Variants in NFASC observed in about 807,000 individuals in gnomAD.
NFASC encodes the protein neurofascin, also known as neurofascin homolog.
Under a neutral mutation model 147.5 loss-of-function variants are expected in NFASC, and 43 were observed. The ratio of observed to expected loss-of-function variants is 0.29; its 90% confidence interval spans 0.23 to 0.38. The LOEUF is 0.38. Among genes scored for constraint, NFASC ranks in the 10% least tolerant of loss-of-function variants. The pLI is 1.00. For synonymous variants in NFASC, 622 were observed against 665.5 expected (o/e 0.93, Z 1.01); for missense variants, 1,320 against 1,689.0 (o/e 0.78, Z 3.83).
chr1:204,967,822 G>A (rs1473360253), intron 8 of NFASC: 1 of 169,732 alleles, frequency 5.9e-6, no homozygotes, highest in Non-Finnish European at 1.3e-5. Context: ...TGTGGACCCA[G>A]TACATGCCTT....
intron 24 of NFASC, among the ~76,000 whole-genome samples, chr1:204,995,890 G>A (rs2095837060): frequency 6.6e-6 from 1 of 152,100 alleles, no homozygotes; most frequent in African/African-American, 2.4e-5. Context: ...TTGAGGCTGG[G>A]TAGGATTCCT....
At position 205,021,654 on chromosome 1, in the gene NFASC, C is replaced by G. The variant is rs2096401389; in HGVS notation, c.*5115C>G. Reference sequence around the variant, plus strand: ...CCTTGTCCAGTCAGTGTTCTTTCATCTCACCACAGCTGCCTCCTTTGAAAC... The same window carrying G: ...CCTTGTCCAGTCAGTGTTCTTTCATGTCACCACAGCTGCCTCCTTTGAAAC... On this transcript the variant is annotated 3_prime_UTR_variant, in exon 30 of 30. Transcript: ENST00000339876. 6.5e-6 allele frequency: 1 copy of G among 153,528 alleles called. No homozygotes were observed. The highest frequency in any genetic ancestry group is 2.4e-5 in the African/African-American group (1 of 41,450). 9.5% of individuals were successfully genotyped at this position (153,528 alleles called of 1,614,324 possible). A position where few individuals can be genotyped will look rare whatever the true frequency, so the allele number is the denominator to read the frequency against.
rs2095099716 is a variant in NFASC at position 204,968,957 on chromosome 1, G to A, written c.978G>A (p.Arg326=). 1 of 1,613,868 alleles carries A rather than the reference G, an allele frequency of 6.2e-7. No individual in the cohort carries two copies. Among genetic ancestry groups the A allele is most frequent in the South Asian group, 1.1e-5 (1 of 91,052 alleles). Residue 326 remains arginine (R), a synonymous_variant, in exon 10 of 30, where the codon CGG becomes CGA. Coordinates refer to ENST00000339876, the MANE Select transcript of NFASC (RefSeq NM_001005388.3). This position sits in a 1 kb window ranked among gnomAD's most constrained non-coding sequence, Gnocchi z 5.4. ...CCTCCAACAAGATGGGCAGCATCCG[G>A]CACACGATCTCGGTGAGAGTAAAGG... ...CLASNKMGSI[R]HTISVRVKAA...
intron 1 of NFASC, among the ~76,000 whole-genome samples, chr1:204,867,254 T>C (rs916528092): frequency 6.6e-6 from 1 of 152,068 alleles, no homozygotes; most frequent in Non-Finnish European, 1.5e-5. Context: ...AGGGAGACCA[T>C]GGGACTGCTC....
At chr1:204,931,674 C>T (rs575005727) in intron 2 of NFASC, among the ~76,000 whole-genome samples, 4 of 152,154 alleles carry the variant, frequency 2.6e-5, no homozygotes, top group African/African-American at 9.7e-5. Context: ...TCATTCATGG[C>T]TCTTAGACAT....
At chr1:204,842,806 CGCA>C (rs1253469423) in intron 1 of NFASC, among the ~76,000 whole-genome samples, 9 of 152,222 alleles carry the variant, frequency 5.9e-5, no homozygotes, top group African/African-American at 2.2e-4. Flanking sequence ...CTGGTGGGCC[CGCA>C]GATTCCTGCC....
rs904871634 is a variant in NFASC at position 205,016,171 on chromosome 1, CA to C, written c.3492-136del. 1.0e-5 allele frequency: 7 copies of C among 690,274 alleles called. No homozygotes were observed. The African/African-American group carries it at 1.2e-4, about 12-fold the overall frequency. 42.8% of individuals were successfully genotyped at this position (690,274 alleles called of 1,614,324 possible). On this transcript the variant is annotated intron_variant, in intron 29 of 29. Transcript: ENST00000339876. This position sits in a 1 kb window ranked among gnomAD's most constrained non-coding sequence, Gnocchi z 5.1. ...TTTCCCTTCTGCAAAGCAGGCTGGACAGGGGAGGGTGAAGCGGGGGCTGGAC... is the reference window on the plus strand; with the variant it reads ...TTTCCCTTCTGCAAAGCAGGCTGGACGGGGAGGGTGAAGCGGGGGCTGGAC...
chr1:204,898,082 C>T (rs908136114), intron 1 of NFASC, among the ~76,000 whole-genome samples: 1 of 152,182 alleles, frequency 6.6e-6, no homozygotes. Context: ...GGCGTCTCAC[C>T]GTGTTGCCCA....
chr1:204,935,403 A>G (rs997293921), intron 2 of NFASC, among the ~76,000 whole-genome samples: 1 of 152,218 alleles, frequency 6.6e-6, no homozygotes, highest in Non-Finnish European at 1.5e-5. Context: ...AAGCTTTGTC[A>G]TGAGTGAAAG....
At chr1:205,002,474 ACCCGCGGTTC>A (rs1366535354) in intron 26 of NFASC, 112 bp from the exon 27 acceptor site, 2 of 715,846 alleles carry the variant, frequency 2.8e-6, no homozygotes, top group Non-Finnish European at 4.1e-6. Context: ...GGTGGACTGG[ACCCGCGGTTC>A]CCTGGTCCCT....
At position 204,975,340 on chromosome 1, in the gene NFASC, G is replaced by A. The variant is rs2095373597; in HGVS notation, c.1628G>A (p.Cys543Tyr). 1.2e-6 allele frequency: 2 copies of A among 1,614,112 alleles called. No homozygotes were observed. The highest frequency in any genetic ancestry group is 1.7e-6 in the Non-Finnish European group (2 of 1,179,960). ...AGGGGCACCACGGTGCAGCTGGAGT[G>A]TCGGGTGAAGCACGACCCCTCCCTG... Reference protein sequence around the residue: ...ARRGTTVQLECRVKHDPSLKL... With the variant: ...ARRGTTVQLEYRVKHDPSLKL... The change falls in exon 15 of 30, where the codon TGT (cysteine) becomes TAT (tyrosine). Residue 543 changes from cysteine to tyrosine, a missense_variant. By Grantham distance (194) the Cys-to-Tyr change is radical. Around this residue, in one of 3 missense-constraint regions of NFASC, gnomAD observed 981 missense variants for 1,289.5 expected, o/e 0.76. Coordinates refer to ENST00000339876, the MANE Select transcript of NFASC (RefSeq NM_001005388.3). This position sits in a 1 kb window ranked among gnomAD's most constrained non-coding sequence, Gnocchi z 4.0.
At chr1:204,977,028 C>T (rs2095421167) in intron 16 of NFASC, 1 of 1,299,260 alleles carries the variant, frequency 7.7e-7, no homozygotes, top group Non-Finnish European at 9.8e-7. Context: ...CACGTCTCAA[C>T]TGAAAGGGGC....
intron 1 of NFASC, among the ~76,000 whole-genome samples, chr1:204,863,865 A>G (rs1447472298): frequency 6.7e-6 from 1 of 150,034 alleles, no homozygotes; most frequent in East Asian, 1.9e-4. Context: ...AAAAAAAAAG[A>G]AAGAAGGAAA....
intron 1 of NFASC, among the ~76,000 whole-genome samples, chr1:204,844,042 G>C (rs958570539): frequency 1.3e-5 from 2 of 152,064 alleles, no homozygotes; most frequent in African/African-American, 4.8e-5. Flanking sequence ...CTGGCCCCAG[G>C]TTTGTTTCTC....
intron 21 of NFASC, 72 bp downstream of exon 21, chr1:204,982,092 C>A: frequency 9.5e-7 from 1 of 1,051,298 alleles, no homozygotes; most frequent in Non-Finnish European, 1.3e-6. Context: ...GCTCACAGGC[C>A]AGGAACCTTG....
At chr1:204,868,986 G>A (rs1392524914) in intron 1 of NFASC, among the ~76,000 whole-genome samples, 3 of 152,060 alleles carry the variant, frequency 2.0e-5, no homozygotes, top group African/African-American at 7.3e-5. Flanking sequence ...CTGGCTCTGA[G>A]TCTTAGGGCC....
chr1:204,843,614 TCCTTCCTTCCTTCCTCCCTCCCTC>T (rs1676035481), intron 1 of NFASC, among the ~76,000 whole-genome samples: 1 of 105,070 alleles, frequency 9.5e-6, no homozygotes, highest in African/African-American at 4.5e-5. Context: ...CTTCCTTCCT[TCCTTCCTTCCTTCCTCCCTCCCTC>T]CCTCCCTCCC....
rs60853229 is a variant in NFASC at position 205,002,327 on chromosome 1, T to C, written c.3137-269T>C. ...GAGTTTAAGGAAGTAGGTTATAATA[T>C]GTCTAGTGTGAAGACTGTGGTGAGG... On this transcript the variant is annotated intron_variant, in intron 26 of 29. Transcript: ENST00000339876. 4.1e-3 allele frequency among the ~76,000 whole-genome samples: 628 copies of C among 152,322 alleles called. 4 individuals are homozygous for C. The highest frequency in any genetic ancestry group is 0.015 in the African/African-American group (604 of 41,578).
At chr1:204,883,814 G>C (rs917067170) in intron 1 of NFASC, among the ~76,000 whole-genome samples, 2 of 152,162 alleles carry the variant, frequency 1.3e-5, no homozygotes, top group Non-Finnish European at 2.9e-5. Flanking sequence ...CCACTGGAAG[G>C]CCCTTTACAA....
Sources: allele counts gnomAD v4.1 joint callset (sites outside exome capture counted in the v4.1 genomes callset), GRCh38; gene constraint gnomAD v4.1.1; regional missense constraint gnomAD v4.1.1; non-coding constraint Gnocchi (gnomAD v3.1); transcripts MANE v1.5; gene names NCBI Gene and HGNC (gene_info 2026-07-23, HGNC 2026-07-21).